KCNK10: variants seen among roughly 807,000 people sequenced by gnomAD.
KCNK10 encodes the protein potassium channel subfamily K member 10.
A neutral mutation model predicts 47.7 loss-of-function variants in KCNK10; 25 were observed. The observed-to-expected ratio is 0.52, with a 90% CI of 0.38 to 0.73. KCNK10 has a LOEUF of 0.73. Among genes scored for constraint, KCNK10 ranks in the 30% least tolerant of loss-of-function variants. KCNK10 has a pLI of 0.00. For missense variants in KCNK10, 563 were observed against 714.5 expected (o/e 0.79, Z 2.42); for synonymous variants, 303 against 285.6 (o/e 1.06, Z -0.61).
chr14:88,210,305 C>G (rs61975834), intron 4 of KCNK10, among the ~76,000 whole-genome samples: 6 of 152,114 alleles, frequency 3.9e-5, no homozygotes, highest in Non-Finnish European at 2.9e-5. Context: ...GGACACTGGT[C>G]TTGATGCATG....
At chr14:88,289,376 T>G (rs894216512) in intron 1 of KCNK10, among the ~76,000 whole-genome samples, 1 of 152,244 alleles carries the variant, frequency 6.6e-6, no homozygotes, top group Non-Finnish European at 1.5e-5. Flanking sequence ...GTAAGTGATC[T>G]TGGGGAGAAT....
chr14:88,189,337 T>C (rs1057434315), intron 5 of KCNK10, among the ~76,000 whole-genome samples: 1 of 152,198 alleles, frequency 6.6e-6, no homozygotes, highest in Non-Finnish European at 1.5e-5. Context: ...TGGTTTTTCC[T>C]TTCAGACAAC....
rs369403927 is a variant in KCNK10, at chr14:88,186,178, A to T, written c.1012-23T>A. 93 of 1,551,476 alleles carry T rather than the reference A, an allele frequency of 6.0e-5. No homozygotes were observed. The African/African-American group carries it at 1.2e-3, about 20-fold the overall frequency. ...CACCTGGCCAAGAGACAGAAGAGCA[A>T]CAATATGCTGACAAATGCCTCCCTG... On this transcript the variant is annotated intron_variant, in intron 6 of 6. Transcript: ENST00000319231. This position sits in a 1 kb window ranked among gnomAD's most constrained non-coding sequence, Gnocchi z 5.5.
At chr14:88,194,094 A>G (rs1045785666) in intron 4 of KCNK10, among the ~76,000 whole-genome samples, 3 of 152,250 alleles carry the variant, frequency 2.0e-5, no homozygotes, top group African/African-American at 7.2e-5. Context: ...CTATGCTTTG[A>G]TATAGAAACC....
At chr14:88,307,594 G>A (rs1194054922) in intron 1 of KCNK10, among the ~76,000 whole-genome samples, 1 of 152,026 alleles carries the variant, frequency 6.6e-6, no homozygotes, top group Non-Finnish European at 1.5e-5. Flanking sequence ...TTTTAAATAG[G>A]TAATTTTATG....
At chr14:88,246,231 C>G (rs902309676) in intron 2 of KCNK10, among the ~76,000 whole-genome samples, 5 of 147,724 alleles carry the variant, frequency 3.4e-5, no homozygotes, top group African/African-American at 1.3e-4. Flanking sequence ...CCACTGCACT[C>G]CAGCCTGGGG....
intron 4 of KCNK10, among the ~76,000 whole-genome samples, chr14:88,202,710 A>G (rs527381498): frequency 1.2e-3 from 178 of 151,612 alleles, no homozygotes; most frequent in African/African-American, 4.0e-3. Context: ...GAACACAGAC[A>G]GAGAGAAGGC....
chr14:88,190,961 G>T (rs549448509), intron 5 of KCNK10, among the ~76,000 whole-genome samples: 1 of 152,242 alleles, frequency 6.6e-6, no homozygotes, highest in South Asian at 2.1e-4. Context: ...AACAAGAACA[G>T]TCTGGCCAGG....
chr14:88,258,053 G>A (rs148574109), intron 2 of KCNK10, among the ~76,000 whole-genome samples: 1,688 of 151,808 alleles, frequency 0.011, 13 homozygotes, highest in Non-Finnish European at 0.017. Context: ...TCCCCTCCCC[G>A]GTGACCCCAC....
chr14:88,322,154 C>T lies in KCNK10; in HGVS notation c.52+593G>A, dbSNP rs369716415. ...CAAACCACCCCTCCTCCTGCTTCTA[C>T]TCTGACCTGAGCCTAACTAGCTGCT... On this transcript the variant is annotated intron_variant, in intron 1 of 6. Coordinates refer to ENST00000319231, the MANE Select transcript of KCNK10 (RefSeq NM_138317.3). This position sits in a 1 kb window ranked among gnomAD's most constrained non-coding sequence, Gnocchi z 4.8. 5.3e-4 allele frequency among the ~76,000 whole-genome samples: 81 copies of T among 152,254 alleles called. No individual in the cohort carries two copies. In the South Asian group the frequency reaches 0.016, roughly 30 times the overall value.
rs1478470722 is a variant in KCNK10, at chr14:88,260,697, G to C, written c.402+2505C>G. On this transcript the variant is annotated intron_variant, in intron 2 of 6. Coordinates refer to ENST00000319231, the MANE Select transcript of KCNK10 (RefSeq NM_138317.3). The surrounding 1 kb of genome is among the most constrained non-coding windows in gnomAD (Gnocchi z 4.5). ...AAATGGGAATCGTGATATGAACTTAGAGTGTTGTTGATAAGATTAAATGAG... is the reference window on the plus strand; with the variant it reads ...AAATGGGAATCGTGATATGAACTTACAGTGTTGTTGATAAGATTAAATGAG... Among the ~76,000 whole-genome samples the C allele has an allele frequency of 6.6e-6, 1 of 152,224 alleles. No homozygotes were observed. The highest frequency in any genetic ancestry group is 2.4e-5 in the African/African-American group (1 of 41,454).
rs55899872 is a variant in KCNK10 at position 88,274,566 on chromosome 14, A to AAAAAAT, written c.53-11016_53-11015insATTTTT. The stretch of plus-strand genomic sequence containing the variant: ...ACTCTATCTAAAAAAAAAAAAAAAA[A>AAAAAAT]GATCTTATGGCTTAAGTCCGTAACA... On this transcript the variant is annotated intron_variant, in intron 1 of 6. Coordinates refer to ENST00000319231, the MANE Select transcript of KCNK10 (RefSeq NM_138317.3). Among the ~76,000 whole-genome samples, 50 of 139,658 alleles carry AAAAAAT rather than the reference A, an allele frequency of 3.6e-4. 4 individuals are homozygous for AAAAAAT. Among genetic ancestry groups the AAAAAAT allele is most frequent in the African/African-American group, 1.5e-3 (47 of 32,174 alleles). The allele number at this position is 139,658 out of a possible 152,430, so 91.6% of individuals were successfully genotyped here.
At chr14:88,280,943 C>T (rs1887637771) in intron 1 of KCNK10, among the ~76,000 whole-genome samples, 1 of 152,182 alleles carries the variant, frequency 6.6e-6, no homozygotes, top group African/African-American at 2.4e-5. Flanking sequence ...TTCAGTGCCT[C>T]TCATCACTGC....
chr14:88,239,885 A>G (rs1383573622), intron 3 of KCNK10, among the ~76,000 whole-genome samples: 1 of 138,132 alleles, frequency 7.2e-6, no homozygotes, highest in East Asian at 2.3e-4. Flanking sequence ...ATAAAATAAA[A>G]TAAAATAAAA....
At chr14:88,228,197 A>G (rs973484012) in intron 3 of KCNK10, among the ~76,000 whole-genome samples, 2 of 152,166 alleles carry the variant, frequency 1.3e-5, no homozygotes, top group South Asian at 2.1e-4. Context: ...TCTCCGCCCA[A>G]CTACCTCTTG....
intron 2 of KCNK10, among the ~76,000 whole-genome samples, chr14:88,248,760 T>C (rs1341483995): frequency 6.7e-6 from 1 of 149,458 alleles, no homozygotes; most frequent in African/African-American, 2.5e-5. Context: ...AAAAAAAAAA[T>C]CATTTTCTGT....
At chr14:88,200,999 T>C (rs1290592320) in intron 4 of KCNK10, among the ~76,000 whole-genome samples, 2 of 152,206 alleles carry the variant, frequency 1.3e-5, no homozygotes, top group Non-Finnish European at 2.9e-5. Context: ...AGATTCCCTC[T>C]TCGTAGTAAA....
intron 1 of KCNK10, among the ~76,000 whole-genome samples, chr14:88,313,247 G>A (rs1888362654): frequency 6.6e-6 from 1 of 152,130 alleles, no homozygotes; most frequent in Admixed American, 6.5e-5. Flanking sequence ...CCTAGCACGT[G>A]GTGCCTATTC....
At position 88,181,437 on chromosome 14, in the gene KCNK10, T is replaced by A. The variant is rs61975807; in HGVS notation, c.*4098A>T. ...GTGCGTGTGTGTGTGTGTGTGTGTG[T>A]GTGAGAGAGAGAGAGATGTCTGTCT... On this transcript the variant is annotated 3_prime_UTR_variant, in exon 7 of 7. Transcript: ENST00000319231. 7.3e-3 allele frequency: 897 copies of A among 123,074 alleles called. 3 individuals are homozygous for A. The highest frequency in any genetic ancestry group is 0.02 in the Middle Eastern group (5 of 252). The allele number at this position is 123,074 out of a possible 1,614,324, so 7.6% of individuals were successfully genotyped here.
Sources: gnomAD v4.1 joint callset for allele counts (sites outside exome capture counted in the v4.1 genomes callset) on GRCh38, gnomAD v4.1.1 for gene constraint, Gnocchi (gnomAD v3.1) non-coding constraint, MANE v1.5 for transcripts, NCBI Gene and HGNC (gene_info 2026-07-23, HGNC 2026-07-21) for gene names.